The following ABCA5 variants were observed in gnomAD, a reference collection of about 807,000 sequenced individuals.
ABCA5 encodes ATP binding cassette subfamily A member 5, also known as cholesterol transporter ABCA5.
A neutral mutation model predicts 206.0 loss-of-function variants in ABCA5; 163 were observed. That is an observed-to-expected ratio of 0.79 (90% CI 0.70 to 0.90). The LOEUF is 0.90. ABCA5 is among the 40% of genes least tolerant of loss of function. The pLI is 0.00. For synonymous variants in ABCA5, 609 were observed against 613.8 expected (o/e 0.99, Z 0.11); for missense variants, 1,859 against 1,912.9 (o/e 0.97, Z 0.53).
At chr17:69,322,264 G>C (rs1053396219) in intron 1 of ABCA5, among the ~76,000 whole-genome samples, 2 of 151,010 alleles carry the variant, frequency 1.3e-5, no homozygotes, top group East Asian at 3.9e-4. Flanking sequence ...CAGCTACTCA[G>C]GAGGCTGAGG....
chr17:69,313,336 T>C, intron 2 of ABCA5, 40 bp from the exon 3 acceptor site: 2 of 957,026 alleles, frequency 2.1e-6, no homozygotes, highest in Non-Finnish European at 3.0e-6. Context: ...AGTATAACAA[T>C]GGCAGCAAAA....
At chr17:69,299,111 G>A (rs758999859) in intron 9 of ABCA5, among the ~76,000 whole-genome samples, 7 of 152,124 alleles carry the variant, frequency 4.6e-5, no homozygotes, top group Non-Finnish European at 7.4e-5. Flanking sequence ...AAACCACAAT[G>A]TGATACCACC....
At chr17:69,303,646 C>T (rs2075675303) in intron 7 of ABCA5, among the ~76,000 whole-genome samples, 1 of 137,266 alleles carries the variant, frequency 7.3e-6, no homozygotes, top group South Asian at 2.4e-4. Context: ...ACCAGAAGGC[C>T]TGCTGCAGTG....
intron 15 of ABCA5, 138 bp from the exon 16 acceptor site, chr17:69,286,449 G>T (rs894716611): frequency 4.2e-6 from 3 of 712,940 alleles, no homozygotes; most frequent in African/African-American, 1.9e-5. Context: ...TATGAGGATG[G>T]TACTAGATTA....
Position 69,306,773 on chromosome 17 carries a change from T to C in ABCA5, c.740A>G (p.Lys247Arg). 1 of 1,569,954 alleles carries C rather than the reference T, an allele frequency of 6.4e-7. No homozygotes were observed. The highest frequency in any genetic ancestry group is 1.7e-4 in the Middle Eastern group (1 of 5,776). The change falls in exon 6 of 39, where the codon AAA (lysine) becomes AGA (arginine). Residue 247 changes from lysine (K) to arginine (R), a missense_variant. Lys to Arg is a conservative substitution (Grantham distance 26). Coordinates refer to ENST00000392676, the MANE Select transcript of ABCA5 (RefSeq NM_172232.4). ...AIHIVAEKEK[K>R]IKEFLKIMGL... is the part of the protein sequence containing the mutation. ...CATTATCTTTAAAAATTCTTTTATT[T>C]TTTTTTCTTTTTCTGCTACGATATG... is the stretch of plus-strand genomic sequence containing the variant.
chr17:69,299,501 A>ACACAC (rs1338431886), intron 9 of ABCA5, among the ~76,000 whole-genome samples: 1 of 42,752 alleles, frequency 2.3e-5, no homozygotes, highest in Admixed American at 2.1e-4. Flanking sequence ...CACACACACA[A>ACACAC]AGGAATCCTA....
chr17:69,268,044 T>C lies in ABCA5; in HGVS notation c.3043A>G (p.Ile1015Val), dbSNP rs2144928663. 1.3e-6 allele frequency: 2 copies of C among 1,564,334 alleles called. No individual in the cohort carries two copies. Among genetic ancestry groups the C allele is most frequent in the Admixed American group, 1.7e-5 (1 of 59,612 alleles). ...AAATACAGCTCAATTTTAAAAACTA[T>C]ATCAGTAATTTCCTGAAAGACAACC... is the stretch of plus-strand genomic sequence containing the variant. ...STPFFQEITD[I>V]VFKIELYFQA... is the part of the protein sequence containing the mutation. The change falls in exon 23 of 39, where the codon ATA becomes GTA. Residue 1015 changes from isoleucine to valine, a missense_variant. Coordinates refer to ENST00000392676, the MANE Select transcript of ABCA5 (RefSeq NM_172232.4).
chr17:69,286,658 T>C (rs760451223), intron 15 of ABCA5, among the ~76,000 whole-genome samples: 2 of 152,184 alleles, frequency 1.3e-5, no homozygotes, highest in African/African-American at 2.4e-5. Flanking sequence ...ATTTCCTTTA[T>C]AACCAAATGT....
In ABCA5 at chr17:69,253,610, A is replaced by T; in HGVS notation, c.4378T>A (p.Ser1460Thr). Residue 1460 changes from serine to threonine, a missense_variant, in exon 34 of 39, where the codon TCT (serine) becomes ACT (threonine). Ser to Thr is a moderately conservative substitution (Grantham distance 58). Coordinates refer to ENST00000392676, the MANE Select transcript of ABCA5 (RefSeq NM_172232.4). ...NPQITLLDEP[S>T]TGMDPKAKQH... ...TTGGCTTTGGGATCCATACCTGTAG[A>T]TGGTTCATCTAGCAAAGTAATCTGA... 2.5e-6 allele frequency: 4 copies of T among 1,613,878 alleles called. No homozygotes were observed. Among genetic ancestry groups the T allele is most frequent in the Non-Finnish European group, 3.4e-6 (4 of 1,179,854 alleles).
intron 10 of ABCA5, among the ~76,000 whole-genome samples, chr17:69,296,205 A>AT (rs1322799392): frequency 6.6e-6 from 1 of 152,038 alleles, no homozygotes; most frequent in Admixed American, 6.6e-5. Context: ...TTTTTTTCAT[A>AT]TTTTTTTAAG....
chr17:69,253,857 T>C lies in ABCA5; in HGVS notation c.4257A>G (p.Ala1419=), dbSNP rs1271482711. The C allele has an allele frequency of 2.2e-5, 36 of 1,611,254 alleles. No homozygotes were observed. Among genetic ancestry groups the C allele is most frequent in the Non-Finnish European group, 3.1e-5 (36 of 1,179,088 alleles). Residue 1419 remains alanine (A), a synonymous_variant, in exon 33 of 39, where the codon GCA becomes GCG. Coordinates refer to ENST00000392676, the MANE Select transcript of ABCA5 (RefSeq NM_172232.4). ...MKEVISRITH[A]LDLKEHLQKT... ...TCTGAAGATGTTCTTTTAAATCAAG[T>C]GCATGTGTTATTCTGCAAAATGAAC...
chr17:69,253,673 T>C lies in ABCA5; in HGVS notation c.4321-6A>G. 6.2e-7 allele frequency: 1 copy of C among 1,611,546 alleles called. No individual in the cohort carries two copies. Among genetic ancestry groups the C allele is most frequent in the South Asian group, 1.1e-5 (1 of 91,014 alleles). On this transcript the variant is annotated splice_region_variant and splice_polypyrimidine_tract_variant and intron_variant, in intron 33 of 38. Transcript: ENST00000392676. ...ATACTTAGAGCAAAACACAACTACATGGAAAGAAAAAGATGGGTGGGAAAT... is the reference window on the plus strand; with the variant it reads ...ATACTTAGAGCAAAACACAACTACACGGAAAGAAAAAGATGGGTGGGAAAT...
chr17:69,291,430 A>G (rs2075525491), intron 11 of ABCA5, 104 bp from the exon 12 acceptor site: 4 of 608,974 alleles, frequency 6.6e-6, no homozygotes, highest in Non-Finnish European at 1.1e-5. Flanking sequence ...ATATCTATAA[A>G]TACATATTTA....
At chr17:69,313,437 A>G (rs117767916) in intron 2 of ABCA5, 141 bp from the exon 3 acceptor site, 16,761 of 438,160 alleles carry the variant, frequency 0.038, 442 homozygotes, top group Middle Eastern at 0.064. Context: ...AAGCAATTCT[A>G]TCCCAAAAGA....
intron 18 of ABCA5, among the ~76,000 whole-genome samples, chr17:69,283,104 A>C (rs1346361392): frequency 6.7e-6 from 1 of 149,214 alleles, no homozygotes; most frequent in Non-Finnish European, 1.5e-5. Flanking sequence ...CTCCCACCGC[A>C]GCCTCTAGAG....
chr17:69,285,330 A>C (rs1368408995), intron 17 of ABCA5: 1 of 147,950 alleles, frequency 6.8e-6, no homozygotes, highest in African/African-American at 2.5e-5. Flanking sequence ...TAAAAAAAAA[A>C]CAAGTATTTT....
At chr17:69,300,373 T>C (rs2075639987) in intron 9 of ABCA5, among the ~76,000 whole-genome samples, 1 of 152,196 alleles carries the variant, frequency 6.6e-6, no homozygotes, top group Non-Finnish European at 1.5e-5. Flanking sequence ...TTCACTCACA[T>C]GCCTCCTACT....
In ABCA5 at chr17:69,255,622, C is replaced by A; in HGVS notation, c.3989G>T (p.Gly1330Val). 6.3e-7 allele frequency: 1 copy of A among 1,579,724 alleles called. No individual in the cohort carries two copies. The highest frequency in any genetic ancestry group is 8.5e-7 in the Non-Finnish European group (1 of 1,170,488). The change falls in exon 31 of 39, where the codon GGA (glycine) becomes GTA (valine). Residue 1330 changes from glycine to valine, a missense_variant. Coordinates refer to ENST00000392676, the MANE Select transcript of ABCA5 (RefSeq NM_172232.4). The stretch of plus-strand genomic sequence containing the variant: ...GCCAGCACCATTTGGACCCAATAGT[C>A]CTAAGATCTCTCCTAAAGGAATTGA... ...SFCVKKGEIL[G>V]LLGPNGAGKS...
chr17:69,326,999 G>T lies in ABCA5; in HGVS notation c.-16+53C>A. On this transcript the variant is annotated intron_variant, in intron 1 of 38. Coordinates refer to ENST00000392676, the MANE Select transcript of ABCA5 (RefSeq NM_172232.4). The surrounding 1 kb of genome is among the most constrained non-coding windows in gnomAD (Gnocchi z 4.8). ...TCGTCCCCTCAACTCCCCCAGGGAC[G>T]GCTGTCCCAGGCTAGCCTCAAGCGC... 6.4e-6 allele frequency: 1 copy of T among 155,864 alleles called. No individual in the cohort carries two copies. Among genetic ancestry groups the T allele is most frequent in the South Asian group, 1.9e-4 (1 of 5,308 alleles). The allele number at this position is 155,864 out of a possible 1,614,324, so 9.7% of individuals were successfully genotyped here. A position where few individuals can be genotyped will look rare whatever the true frequency, so the allele number is the denominator to read the frequency against.
Sources: gnomAD v4.1 joint callset for allele counts (sites outside exome capture counted in the v4.1 genomes callset) on GRCh38, gnomAD v4.1.1 for gene constraint, Gnocchi (gnomAD v3.1) non-coding constraint, MANE v1.5 for transcripts, NCBI Gene and HGNC (gene_info 2026-07-23, HGNC 2026-07-21) for gene names.